Variants in ADAM19 observed in about 807,000 individuals in gnomAD.
ADAM19 encodes the protein ADAM metallopeptidase domain 19.
ADAM19 carries 65 observed loss-of-function variants against 114.7 expected under a neutral mutation model. That is an observed-to-expected ratio of 0.57 (90% CI 0.46 to 0.70). The LOEUF (loss-of-function observed/expected upper bound fraction) is 0.70. ADAM19 is among the 30% of genes least tolerant of loss of function. ADAM19 has a pLI of 0.00. For synonymous variants in ADAM19, 466 were observed against 460.5 expected (o/e 1.01, Z -0.15); for missense variants, 1,063 against 1,204.7 (o/e 0.88, Z 1.74).
chr5:157,484,389 C>A (rs112372161), intron 21 of ADAM19, among the ~76,000 whole-genome samples: 1 of 152,100 alleles, frequency 6.6e-6, no homozygotes, highest in Non-Finnish European at 1.5e-5. Flanking sequence ...GTGCTCAACA[C>A]GTATTAGTTG....
intron 7 of ADAM19, among the ~76,000 whole-genome samples, chr5:157,516,737 C>T (rs1230983910): frequency 6.6e-6 from 1 of 152,104 alleles, no homozygotes; most frequent in African/African-American, 2.4e-5. Flanking sequence ...GAAAAATGTC[C>T]CAGAGTCAGA....
intron 12 of ADAM19, 111 bp from the exon 13 acceptor site, chr5:157,499,773 C>CTTT (rs553103564): frequency 3.9e-4 from 163 of 419,436 alleles, no homozygotes; most frequent in Middle Eastern, 6.8e-4. Flanking sequence ...GCAACTATCT[C>CTTT]TTTTTTTTTT....
At chr5:157,537,842 T>C in intron 4 of ADAM19, 71 bp downstream of exon 4, 1 of 1,368,140 alleles carries the variant, frequency 7.3e-7, no homozygotes, top group Non-Finnish European at 1.0e-6. Context: ...CCATCAGGCA[T>C]CTCCTGAGGT....
intron 21 of ADAM19, among the ~76,000 whole-genome samples, chr5:157,484,620 A>G (rs539487756): frequency 5.8e-4 from 88 of 152,334 alleles, no homozygotes; most frequent in African/African-American, 2.0e-3. Flanking sequence ...TTTCCCCAAG[A>G]AGCTTCATGG....
In ADAM19 at chr5:157,479,629, G is replaced by A; in HGVS notation, c.*1320C>T. 1 of 985,880 alleles carries A rather than the reference G, an allele frequency of 1.0e-6. No individual in the cohort carries two copies. The highest frequency in any genetic ancestry group is 1.7e-5 in the African/African-American group (1 of 57,312). The allele number at this position is 985,880 out of a possible 1,614,324, so 61.1% of individuals were successfully genotyped here. Reference sequence around the variant, plus strand: ...CTGCTCAGAGCTCTCTTTCTGTGAGGGTCAGGTAAGGGCAGTGACCAGAGA... The same window carrying A: ...CTGCTCAGAGCTCTCTTTCTGTGAGAGTCAGGTAAGGGCAGTGACCAGAGA... On this transcript the variant is annotated 3_prime_UTR_variant, in exon 23 of 23. Transcript: ENST00000257527.
At chr5:157,489,337 C>T in intron 19 of ADAM19, 151 bp from the exon 20 acceptor site, 1 of 638,748 alleles carries the variant, frequency 1.6e-6, no homozygotes, top group Non-Finnish European at 2.8e-6. Context: ...TCTCGAACCA[C>T]ATCTTCCTAA....
chr5:157,532,246 C>T (rs962776915), intron 4 of ADAM19, among the ~76,000 whole-genome samples: 4 of 152,188 alleles, frequency 2.6e-5, no homozygotes, highest in Admixed American at 1.3e-4. Flanking sequence ...GACACCATAG[C>T]CAGCAAACGG....
At chr5:157,574,773 C>G (rs1413226322) in intron 1 of ADAM19, among the ~76,000 whole-genome samples, 1 of 152,216 alleles carries the variant, frequency 6.6e-6, no homozygotes, top group Non-Finnish European at 1.5e-5. Context: ...GTCTGGGAAA[C>G]TAGTCCTGAG....
At chr5:157,529,916 C>T (rs531790633) in intron 5 of ADAM19, among the ~76,000 whole-genome samples, 2 of 152,092 alleles carry the variant, frequency 1.3e-5, no homozygotes, top group South Asian at 4.1e-4. Context: ...TTATCCTTGC[C>T]TTTCCTTTCA....
intron 3 of ADAM19, among the ~76,000 whole-genome samples, chr5:157,561,853 C>T (rs1398683803): frequency 6.6e-6 from 1 of 151,814 alleles, no homozygotes; most frequent in Non-Finnish European, 1.5e-5. Context: ...TCCATAAAGG[C>T]TGTACTGTTT....
At chr5:157,493,990 C>A (rs1469719748) in intron 15 of ADAM19, among the ~76,000 whole-genome samples, 1 of 152,212 alleles carries the variant, frequency 6.6e-6, no homozygotes, top group Non-Finnish European at 1.5e-5. Context: ...CTTTGGGAAA[C>A]CACTCTGACA....
Position 157,493,058 on chromosome 5 carries a change from G to A in ADAM19, c.1823C>T (p.Thr608Ile), listed in dbSNP as rs1185514017. Residue 608 changes from threonine to isoleucine, a missense_variant, in exon 16 of 23, where the codon ACC becomes ATC. Physicochemically the swap from Thr to Ile is moderately conservative, Grantham distance 89. Around this residue, in one of 3 missense-constraint regions of ADAM19, gnomAD observed 424 missense variants for 445.5 expected, o/e 0.95. Coordinates refer to ENST00000257527, the MANE Select transcript of ADAM19 (RefSeq NM_033274.5). ...MNGRQIQCRG[T>I]HVYRGPEEEG... ...CTCCTCAGGACCTCGGTAGACGTGGGTGCCCCGGCACTGGATCTGCCTCCC... is the reference window on the plus strand; with the variant it reads ...CTCCTCAGGACCTCGGTAGACGTGGATGCCCCGGCACTGGATCTGCCTCCC... 6.2e-7 allele frequency: 1 copy of A among 1,614,108 alleles called. No individual in the cohort carries two copies. The highest frequency in any genetic ancestry group is 8.5e-7 in the Non-Finnish European group (1 of 1,180,058).
rs75090975 is a variant in ADAM19, at chr5:157,572,041, C to G, written c.95-1061G>C. On this transcript the variant is annotated intron_variant, in intron 1 of 22. Coordinates refer to ENST00000257527, the MANE Select transcript of ADAM19 (RefSeq NM_033274.5). ...CCCAAATCACTCTCCCAAACCAGTTCTCCTTCATGCTCAAGGCAACCCTGG... is the reference window on the plus strand; with the variant it reads ...CCCAAATCACTCTCCCAAACCAGTTGTCCTTCATGCTCAAGGCAACCCTGG... 5.8e-4 allele frequency among the ~76,000 whole-genome samples: 88 copies of G among 152,324 alleles called. 1 individual carries two copies. The highest frequency in any genetic ancestry group is 2.0e-3 in the African/African-American group (83 of 41,566).
chr5:157,502,573 A>C (rs988592303), intron 12 of ADAM19, among the ~76,000 whole-genome samples: 1 of 152,250 alleles, frequency 6.6e-6, no homozygotes, highest in African/African-American at 2.4e-5. Context: ...CCAGACACTC[A>C]TAAGAAGAAC....
At chr5:157,491,303 A>G (rs924536178) in intron 18 of ADAM19, among the ~76,000 whole-genome samples, 16 of 152,176 alleles carry the variant, frequency 1.1e-4, no homozygotes, top group African/African-American at 3.6e-4. Flanking sequence ...AAGTGCCCAA[A>G]GAGAAATAGT....
chr5:157,522,500 T>C (rs1447237402), intron 5 of ADAM19, among the ~76,000 whole-genome samples: 1 of 152,092 alleles, frequency 6.6e-6, no homozygotes, highest in African/African-American at 2.4e-5. Flanking sequence ...GATAGTCCTG[T>C]AGAGGCTGGG....
At chr5:157,566,632 C>T (rs1037354557) in intron 2 of ADAM19, 1 of 152,132 alleles carries the variant, frequency 6.6e-6, no homozygotes, top group Non-Finnish European at 1.5e-5. Flanking sequence ...ATATTTAAAA[C>T]AGAACAGATT....
rs77551317 is a variant in ADAM19, at chr5:157,503,923, A to G, written c.1131-943T>C. On this transcript the variant is annotated intron_variant, in intron 11 of 22. Coordinates refer to ENST00000257527, the MANE Select transcript of ADAM19 (RefSeq NM_033274.5). Reference sequence around the variant, plus strand: ...CTGGGTCCCACCATTGGTGAAAAGGACAAATAGTACAGCCATCTGGGTCTA... The same window carrying G: ...CTGGGTCCCACCATTGGTGAAAAGGGCAAATAGTACAGCCATCTGGGTCTA... Among the ~76,000 whole-genome samples, 15 of 152,324 alleles carry G rather than the reference A, an allele frequency of 9.8e-5. No individual in the cohort carries two copies. The East Asian group carries it at 2.9e-3, about 29-fold the overall frequency.
chr5:157,524,870 T>C (rs1756410185), intron 5 of ADAM19, among the ~76,000 whole-genome samples: 1 of 152,242 alleles, frequency 6.6e-6, no homozygotes, highest in Non-Finnish European at 1.5e-5. Context: ...AAAGAACAGC[T>C]AACGGTCATT....
Sources: gnomAD v4.1 joint callset for allele counts (sites outside exome capture counted in the v4.1 genomes callset) on GRCh38, gnomAD v4.1.1 for gene constraint, gnomAD v4.1.1 regional missense constraint, MANE v1.5 for transcripts, NCBI Gene and HGNC (gene_info 2026-07-23, HGNC 2026-07-21) for gene names.